Variants in CRY1 observed in about 807,000 individuals in gnomAD.
CRY1 encodes the protein cryptochrome circadian regulator 1, also known as cryptochrome-1.
In CRY1, 45 loss-of-function variants were observed where a neutral mutation model predicts 76.0. The ratio of observed to expected loss-of-function variants is 0.59; its 90% CI spans 0.47 to 0.76. The LOEUF (loss-of-function observed/expected upper bound fraction) is 0.76, where lower values mean the gene tolerates loss of function less well. Ranked by LOEUF, CRY1 falls within the 30% of genes least tolerant of loss-of-function variation. The pLI, the probability that CRY1 is intolerant of heterozygous loss-of-function variation, is 0.00. For synonymous variants in CRY1, 248 were observed against 244.0 expected (o/e 1.02, Z -0.15); for missense variants, 587 against 716.4 (o/e 0.82, Z 2.06).
chr12:107,086,912 T>C (rs956627498), intron 1 of CRY1, among the ~76,000 whole-genome samples: 5 of 151,594 alleles, frequency 3.3e-5, no homozygotes, highest in Non-Finnish European at 2.9e-5. Context: ...GGACCCACAG[T>C]GGTGGCAGTC....
intron 1 of CRY1, among the ~76,000 whole-genome samples, chr12:107,065,337 A>T (rs768137499): frequency 9.9e-5 from 15 of 151,716 alleles, no homozygotes; most frequent in Non-Finnish European, 2.2e-4. Context: ...TCACATCTGT[A>T]ATCCCAGCAC....
At chr12:107,052,702 AT>A (rs1952937126) in intron 1 of CRY1, among the ~76,000 whole-genome samples, 1 of 152,350 alleles carries the variant, frequency 6.6e-6, no homozygotes, top group East Asian at 1.9e-4. Flanking sequence ...GTAAGGAAAC[AT>A]TTTGTGCAGA....
intron 1 of CRY1, among the ~76,000 whole-genome samples, chr12:107,035,571 T>C (rs1290695001): frequency 6.6e-6 from 1 of 152,210 alleles, no homozygotes; most frequent in Non-Finnish European, 1.5e-5. Flanking sequence ...ATGAGGAAAC[T>C]GAAACATATA....
intron 7 of CRY1, among the ~76,000 whole-genome samples, chr12:106,998,656 T>A (rs1593492153): frequency 1.4e-5 from 1 of 73,230 alleles, no homozygotes. Flanking sequence ...ATATAAGAGA[T>A]TAAACACACA....
chr12:107,011,098 G>C (rs984789450), intron 2 of CRY1, among the ~76,000 whole-genome samples: 2 of 152,182 alleles, frequency 1.3e-5, no homozygotes, highest in Non-Finnish European at 2.9e-5. Context: ...TGTAATCCCA[G>C]CACTTTGGGA....
chr12:106,996,060 G>C (rs949857513), intron 10 of CRY1, among the ~76,000 whole-genome samples: 2 of 152,072 alleles, frequency 1.3e-5, no homozygotes, highest in African/African-American at 4.8e-5. Context: ...GTCAGGGGCT[G>C]GTCTCAAACT....
At chr12:107,091,150 G>A (rs1161597081) in intron 1 of CRY1, among the ~76,000 whole-genome samples, 7 of 151,408 alleles carry the variant, frequency 4.6e-5, no homozygotes, top group African/African-American at 9.7e-5. Context: ...TGCGATTCTC[G>A]TGCCTCAGCC....
chr12:107,069,580 A>ATATAAAG (rs1430147324), intron 1 of CRY1, among the ~76,000 whole-genome samples: 2 of 133,310 alleles, frequency 1.5e-5, no homozygotes, highest in East Asian at 2.1e-4. Context: ...TAAAGTATAT[A>ATATAAAG]TATAAAGTAT....
At chr12:107,023,640 T>C (rs373819336) in intron 1 of CRY1, among the ~76,000 whole-genome samples, 14 of 152,340 alleles carry the variant, frequency 9.2e-5, no homozygotes, top group African/African-American at 2.9e-4. Flanking sequence ...TCTGTACAGC[T>C]TGAAGAGTCA....
chr12:107,036,585 G>GTTT (rs61321189), intron 1 of CRY1, among the ~76,000 whole-genome samples: 3 of 139,068 alleles, frequency 2.2e-5, no homozygotes, highest in South Asian at 4.6e-4. Flanking sequence ...AAAGTTGGTG[G>GTTT]TTTTTTTTTT....
chr12:107,005,300 T>C, intron 2 of CRY1, 52 bp from the exon 3 acceptor site: 1 of 1,525,632 alleles, frequency 6.6e-7, no homozygotes, highest in African/African-American at 1.4e-5. Context: ...AGTTATTTTT[T>C]CTATTATAAC....
In CRY1 at chr12:107,092,939, C is replaced by G; in HGVS notation, c.23G>C (p.Trp8Ser). The change falls in exon 1 of 13, where the codon TGG becomes TCG. Residue 8 changes from tryptophan (W) to serine (S), a missense_variant. By Grantham distance (177) the Trp-to-Ser change is radical. Coordinates refer to ENST00000008527, the MANE Select transcript of CRY1 (RefSeq NM_004075.5). MGVNAVHWFRKGLRLHDN... is the reference protein window; with the variant it reads MGVNAVHSFRKGLRLHDN... ...GTGGAGCCGGAGCCCCTTTCGGAAC[C>G]AGTGCACGGCGTTCACCCCCATGCC... The G allele has an allele frequency of 6.3e-7, 1 of 1,592,306 alleles. No homozygotes were observed. Among genetic ancestry groups the G allele is most frequent in the Non-Finnish European group, 8.5e-7 (1 of 1,170,530 alleles).
intron 2 of CRY1, among the ~76,000 whole-genome samples, chr12:107,018,657 T>C (rs1260117059): frequency 6.6e-6 from 1 of 152,174 alleles, no homozygotes; most frequent in South Asian, 2.1e-4. Flanking sequence ...TTAAAAAATC[T>C]AGATATTAAT....
intron 1 of CRY1, among the ~76,000 whole-genome samples, chr12:107,083,909 C>A (rs965127797): frequency 6.6e-6 from 1 of 152,160 alleles, no homozygotes; most frequent in African/African-American, 2.4e-5. Context: ...TCTTTGTTTG[C>A]AGATGACATG....
intron 3 of CRY1, among the ~76,000 whole-genome samples, chr12:107,002,787 C>G (rs549335077): frequency 6.6e-6 from 1 of 152,246 alleles, no homozygotes; most frequent in East Asian, 1.9e-4. Flanking sequence ...GCAGGTCTTT[C>G]CCGTGCTGTT....
chr12:106,999,101 C>T (rs932557497), intron 7 of CRY1, among the ~76,000 whole-genome samples: 6 of 149,892 alleles, frequency 4.0e-5, no homozygotes, highest in East Asian at 1.9e-4. Context: ...CACAAGATGT[C>T]GTCACAAAAT....
intron 10 of CRY1, among the ~76,000 whole-genome samples, chr12:106,994,807 G>A (rs1952215974): frequency 6.6e-6 from 1 of 152,178 alleles, no homozygotes; most frequent in African/African-American, 2.4e-5. Flanking sequence ...CAGAGCTTCT[G>A]TCCCTCACTC....
chr12:107,090,096 C>CT (rs539057956), intron 1 of CRY1, among the ~76,000 whole-genome samples: 7,476 of 146,250 alleles, frequency 0.051, 359 homozygotes, highest in African/African-American at 0.13. Context: ...TTTTCTTTTT[C>CT]TTTTTTTTTT....
Position 106,999,815 on chromosome 12 carries a change from T to C in CRY1, c.873A>G (p.Leu291=). ...CTGCTGTATAGAAAAATTCACGCCA[T>C]AACAGTTGCCCATAAAGGGAAAGGG... is the stretch of plus-strand genomic sequence containing the variant. The part of the protein sequence containing the change: ...SPPLSLYGQL[L]WREFFYTAAT... Residue 291 remains leucine (L), a synonymous_variant, in exon 7 of 13, where the codon TTA becomes TTG. Coordinates refer to ENST00000008527, the MANE Select transcript of CRY1 (RefSeq NM_004075.5). The C allele has an allele frequency of 3.1e-6, 5 of 1,614,142 alleles. No individual in the cohort carries two copies. The highest frequency in any genetic ancestry group is 4.2e-6 in the Non-Finnish European group (5 of 1,179,998).
Sources: gnomAD v4.1 joint callset for allele counts (sites outside exome capture counted in the v4.1 genomes callset) on GRCh38, gnomAD v4.1.1 for gene constraint, MANE v1.5 for transcripts, NCBI Gene and HGNC (gene_info 2026-07-23, HGNC 2026-07-21) for gene names.